Variants in PXT1 observed in about 807,000 individuals in gnomAD.
PXT1 encodes the protein peroxisomal testis enriched protein 1.
A neutral mutation model predicts 11.0 loss-of-function variants in PXT1; 11 were observed. That is an observed-to-expected ratio of 1.00 (90% CI 0.63 to 1.66). The LOEUF is 1.66. PXT1 is among the 40% of genes most tolerant of loss of function. The pLI is 0.00. For synonymous variants in PXT1, 43 were observed against 51.4 expected (o/e 0.84, Z 0.70); for missense variants, 141 against 155.5 (o/e 0.91, Z 0.49).
In PXT1 at chr6:36,400,559, C is replaced by T; in HGVS notation, c.195G>A (p.Lys65=). Reference sequence around the variant, plus strand: ...GATGCTTCTGAACAATGCTATGCTCCTTGGGCTGAGAAAGTAGATTATGAT... The same window carrying T: ...GATGCTTCTGAACAATGCTATGCTCTTTGGGCTGAGAAAGTAGATTATGAT... ...NPDHNLLSQP[K]EHSIVQKHHQ... Residue 65 remains lysine, a synonymous_variant, in exon 4 of 5, where the codon AAG becomes AAA. Coordinates refer to ENST00000454782, the MANE Select transcript of PXT1 (RefSeq NM_152990.4). 3 of 1,613,598 alleles carry T rather than the reference C, an allele frequency of 1.9e-6. No homozygotes were observed. Among genetic ancestry groups the T allele is most frequent in the East Asian group, 2.2e-5 (1 of 44,860 alleles).
chr6:36,440,627 A>C (rs1369421393), intron 1 of PXT1, among the ~76,000 whole-genome samples: 1 of 152,088 alleles, frequency 6.6e-6, no homozygotes, highest in African/African-American at 2.4e-5. Flanking sequence ...TAAATATCAG[A>C]GACTCGGGGT....
chr6:36,441,573 G>C (rs945536552), intron 1 of PXT1, among the ~76,000 whole-genome samples: 4 of 152,136 alleles, frequency 2.6e-5, no homozygotes, highest in Admixed American at 1.3e-4. Flanking sequence ...GAAGTGCTGG[G>C]AGGGCAGAGC....
At chr6:36,400,629 T>C (rs202240355) in intron 3 of PXT1, 45 bp from the exon 4 acceptor site, 1 of 1,573,136 alleles carries the variant, frequency 6.4e-7, no homozygotes, top group Non-Finnish European at 8.6e-7. Flanking sequence ...CCCACTTAAT[T>C]ATCTGTAAAA....
At chr6:36,432,262 G>A (rs536077029) in intron 2 of PXT1, among the ~76,000 whole-genome samples, 1 of 152,148 alleles carries the variant, frequency 6.6e-6, no homozygotes, top group Non-Finnish European at 1.5e-5. Flanking sequence ...ATGTCCGGGA[G>A]AGCTGAACAC....
chr6:36,440,170 T>G (rs1774834085), intron 1 of PXT1, among the ~76,000 whole-genome samples: 2 of 152,214 alleles, frequency 1.3e-5, no homozygotes, highest in African/African-American at 4.8e-5. Context: ...TAGGGATTTT[T>G]GGTTTGTTTT....
chr6:36,439,848 ACACATTTC>A (rs952568176), intron 1 of PXT1, among the ~76,000 whole-genome samples: 2 of 152,152 alleles, frequency 1.3e-5, no homozygotes, highest in Non-Finnish European at 2.9e-5. Flanking sequence ...ACCCAGCGTA[ACACATTTC>A]CACATTTCCT....
chr6:36,392,733 T>C (rs1288961429), intron 4 of PXT1, among the ~76,000 whole-genome samples: 1 of 152,178 alleles, frequency 6.6e-6, no homozygotes, highest in Non-Finnish European at 1.5e-5. Flanking sequence ...TTAAGTATTT[T>C]GGAGCAGAAA....
rs140333485 is a variant in PXT1, at chr6:36,410,825, G to A, written c.170-10241C>T. ...CTCAAAACCCTCCTATGCACCATCT[G>A]AGTCTCCATTTGGGAGAGTCCTGGA... On this transcript the variant is annotated intron_variant, in intron 3 of 4. Transcript: ENST00000454782. Among the ~76,000 whole-genome samples the A allele has an allele frequency of 1.8e-3, 274 of 152,274 alleles. 1 individual carries two copies. The highest frequency in any genetic ancestry group is 6.2e-3 in the African/African-American group (257 of 41,564).
intron 4 of PXT1, among the ~76,000 whole-genome samples, chr6:36,399,410 G>T (rs1298543257): frequency 6.6e-6 from 1 of 152,210 alleles, no homozygotes; most frequent in Non-Finnish European, 1.5e-5. Flanking sequence ...GCCTCCCAAA[G>T]TGCTGGGATT....
chr6:36,399,348 G>C (rs1394211751), intron 4 of PXT1, among the ~76,000 whole-genome samples: 2 of 152,052 alleles, frequency 1.3e-5, no homozygotes, highest in African/African-American at 2.4e-5. Context: ...GGTTTCACCA[G>C]GTTGGCCAGG....
At chr6:36,430,206 CAA>C (rs113473755) in intron 2 of PXT1, among the ~76,000 whole-genome samples, 5 of 137,714 alleles carry the variant, frequency 3.6e-5, no homozygotes, top group Admixed American at 7.3e-5. Context: ...CACTCCATCT[CAA>C]AAAAAAAAAA....
chr6:36,429,503 C>CTTTTTTTT (rs1774658180), intron 2 of PXT1, among the ~76,000 whole-genome samples: 3 of 104,244 alleles, frequency 2.9e-5, no homozygotes, highest in African/African-American at 4.5e-5. Flanking sequence ...TTCTTTTTTT[C>CTTTTTTTT]TTTTCTTTTT....
In PXT1 at chr6:36,425,938, C is replaced by T. The variant is rs1217466706; in HGVS notation, c.145G>A (p.Val49Ile). The T allele has an allele frequency of 6.5e-7, 1 of 1,534,908 alleles. No homozygotes were observed. The highest frequency in any genetic ancestry group is 8.7e-7 in the Non-Finnish European group (1 of 1,146,230). The change falls in exon 3 of 5, where the codon GTT becomes ATT. Residue 49 changes from valine (V) to isoleucine (I), a missense_variant. Physicochemically the swap from Val to Ile is conservative, Grantham distance 29. Coordinates refer to ENST00000454782, the MANE Select transcript of PXT1 (RefSeq NM_152990.4). ...YMTQLVSSQP[V>I]PAMSRNPDHN... Reference sequence around the variant, plus strand: ...CCTGGGTTCCTTGACATGGCTGGAACTGGCTGGGAGCTGACAAGTTGGGTC... The same window carrying T: ...CCTGGGTTCCTTGACATGGCTGGAATTGGCTGGGAGCTGACAAGTTGGGTC...
rs140543220 is a variant in PXT1, at chr6:36,415,779, G to T, written c.169+10135C>A. On this transcript the variant is annotated intron_variant, in intron 3 of 4. Transcript: ENST00000454782. The stretch of plus-strand genomic sequence containing the variant: ...AATGGGAGATACAGTAGGGCAAATT[G>T]TTGAGGTGAAGTCCCAGAAGTTAAG... Among the ~76,000 whole-genome samples, 189 of 152,308 alleles carry T rather than the reference G, an allele frequency of 1.2e-3. 2 individuals are homozygous for T. The highest frequency in any genetic ancestry group is 4.3e-3 in the African/African-American group (179 of 41,578).
chr6:36,393,175 A>G (rs1469841122), intron 4 of PXT1: 1 of 152,058 alleles, frequency 6.6e-6, no homozygotes, highest in Non-Finnish European at 1.5e-5. Flanking sequence ...GGGTTTCTCC[A>G]TGTTGGTCAG....
chr6:36,416,142 C>CT (rs1331363169), intron 3 of PXT1, among the ~76,000 whole-genome samples: 2 of 151,444 alleles, frequency 1.3e-5, no homozygotes, highest in African/African-American at 4.9e-5. Context: ...TGAAACCAGC[C>CT]TGGGCAATAT....
At chr6:36,418,551 T>TA (rs1236658245) in intron 3 of PXT1, among the ~76,000 whole-genome samples, 2 of 152,062 alleles carry the variant, frequency 1.3e-5, no homozygotes, top group Admixed American at 1.3e-4. Context: ...TGCTTTGATT[T>TA]AAAAAAAATT....
chr6:36,391,250 A>C lies in PXT1; in HGVS notation c.*520T>G, dbSNP rs1774061750. 6.5e-6 allele frequency: 1 copy of C among 153,460 alleles called. No individual in the cohort carries two copies. Among genetic ancestry groups the C allele is most frequent in the South Asian group, 2.0e-4 (1 of 4,892 alleles). The allele number at this position is 153,460 out of a possible 1,614,324, so 9.5% of individuals were successfully genotyped here. A position where few individuals can be genotyped will look rare whatever the true frequency, so the allele number is the denominator to read the frequency against. On this transcript the variant is annotated 3_prime_UTR_variant, in exon 5 of 5. Coordinates refer to ENST00000454782, the MANE Select transcript of PXT1 (RefSeq NM_152990.4). ...AATGTTTCACTTCGATTTTCCAGAG[A>C]GGGTTGGAGCCAGGATTGGGGCAGG... is the stretch of plus-strand genomic sequence containing the variant.
rs1491348598 is a variant in PXT1, at chr6:36,426,830, TCA to T, written c.-9-741_-9-740del. Reference sequence around the variant, plus strand: ...ACAACACACTCTTTGTCCTATTTCCTCATGTGTGTGTGTGTTTCCTCCCCAAA... The same window carrying T: ...ACAACACACTCTTTGTCCTATTTCCTTGTGTGTGTGTGTTTCCTCCCCAAA... On this transcript the variant is annotated intron_variant, in intron 2 of 4. Transcript: ENST00000454782. 4.5e-3 allele frequency among the ~76,000 whole-genome samples: 532 copies of T among 119,290 alleles called. 1 individual carries two copies. The highest frequency in any genetic ancestry group is 0.02 in the African/African-American group (506 of 25,704). The allele number at this position is 119,290 out of a possible 152,430, so 78.3% of individuals were successfully genotyped here.
Sources: allele counts gnomAD v4.1 joint callset (sites outside exome capture counted in the v4.1 genomes callset), GRCh38; gene constraint gnomAD v4.1.1; transcripts MANE v1.5; gene names NCBI Gene and HGNC (gene_info 2026-07-23, HGNC 2026-07-21).